The following MICAL1 variants were observed in gnomAD, a reference collection of about 807,000 sequenced individuals.
MICAL1 encodes microtubule associated monooxygenase, calponin and LIM domain containing 1.
In MICAL1, 95 loss-of-function variants were observed where a neutral mutation model predicts 131.8. The observed-to-expected ratio is 0.72, with a 90% CI of 0.61 to 0.86. The LOEUF (loss-of-function observed/expected upper bound fraction) is 0.86, where lower values mean the gene tolerates loss of function less well. MICAL1 is among the 40% of genes least tolerant of loss of function. The pLI is 0.00. For synonymous variants in MICAL1, 546 were observed against 554.2 expected (o/e 0.99, Z 0.21); for missense variants, 1,292 against 1,380.6 (o/e 0.94, Z 1.02).
rs1775665344 is a variant in MICAL1 at position 109,454,330 on chromosome 6, G to A, written c.-43-91C>T. The A allele has an allele frequency of 9.4e-6, 12 of 1,280,940 alleles. No individual in the cohort carries two copies. The Admixed American group carries it at 2.8e-4, about 30-fold the overall frequency. 79.3% of individuals were successfully genotyped at this position (1,280,940 alleles called of 1,614,324 possible). On this transcript the variant is annotated intron_variant, in intron 1 of 24. Transcript: ENST00000358807. ...GAAGAGAGCAGGCTGGTGTCCCCAG[G>A]GAGCTCGGGATTCACCAGTGATTGG...
At position 109,449,733 on chromosome 6, in the gene MICAL1, C is replaced by T. The variant is rs781333142; in HGVS notation, c.1358G>A (p.Arg453His). Residue 453 changes from arginine (R) to histidine (H), a missense_variant, in exon 10 of 25, where the codon CGC becomes CAC. Arg to His is a conservative substitution (Grantham distance 29, BLOSUM62 0). Transcript: ENST00000358807. ...GTCCAGCCCATACTGGGCCACATTG[C>T]GATGCATGTTTTCTGGGGATGTCTG... The part of the protein sequence containing the change: ...LSQTSPENMH[R>H]NVAQYGLDPA... 6.3e-5 allele frequency: 101 copies of T among 1,604,572 alleles called. No homozygotes were observed. Among genetic ancestry groups the T allele is most frequent in the Non-Finnish European group, 7.7e-5 (91 of 1,175,448 alleles).
rs1775707518 is a variant in MICAL1 at position 109,455,426 on chromosome 6, G to GA, written c.-44+292dup. 1.3e-5 allele frequency among the ~76,000 whole-genome samples: 2 copies of GA among 152,296 alleles called. No homozygotes were observed. The highest frequency in any genetic ancestry group is 3.9e-4 in the East Asian group (2 of 5,164). Reference sequence around the variant, plus strand: ...AGGGTGGAAGGAGGAAGACCTCGGCGAAAGGGGAGAAAGGAGCGACCCAGC... The same window carrying GA: ...AGGGTGGAAGGAGGAAGACCTCGGCGAAAAGGGGAGAAAGGAGCGACCCAGC... On this transcript the variant is annotated intron_variant, in intron 1 of 24. Coordinates refer to ENST00000358807, the MANE Select transcript of MICAL1 (RefSeq NM_022765.4). This position sits in a 1 kb window ranked among gnomAD's most constrained non-coding sequence, Gnocchi z 4.7.
At position 109,451,720 on chromosome 6, in the gene MICAL1, G is replaced by A. The variant is rs750139194; in HGVS notation, c.833-20C>T. 6.8e-6 allele frequency: 11 copies of A among 1,613,232 alleles called. No individual in the cohort carries two copies. The highest frequency in any genetic ancestry group is 6.6e-5 in the South Asian group (6 of 91,012). Reference sequence around the variant, plus strand: ...CAATGCCTGGGGGTACAGGGCAGGGGACAGTAGATATGTCTCCTGATAATG... The same window carrying A: ...CAATGCCTGGGGGTACAGGGCAGGGAACAGTAGATATGTCTCCTGATAATG... On this transcript the variant is annotated intron_variant, in intron 6 of 24. Transcript: ENST00000358807.
intron 9 of MICAL1, 84 bp downstream of exon 9, chr6:109,449,886 C>T: frequency 6.3e-7 from 1 of 1,588,922 alleles, no homozygotes; most frequent in Middle Eastern, 1.7e-4. Flanking sequence ...ATTCCTCCGT[C>T]TATTCACTCA....
chr6:109,451,355 T>C (rs1434236755), intron 7 of MICAL1, among the ~76,000 whole-genome samples: 1 of 152,118 alleles, frequency 6.6e-6, no homozygotes, highest in Non-Finnish European at 1.5e-5. Context: ...GGTTTCACCA[T>C]GTTGGCCAGG....
chr6:109,456,598 G>T (rs957270113), upstream of MICAL1, among the ~76,000 whole-genome samples: 18 of 152,228 alleles, frequency 1.2e-4, no homozygotes, highest in African/African-American at 4.1e-4. Flanking sequence ...ATGCCTTAGA[G>T]TGAGGACCCA....
chr6:109,465,674 A>T, exon 1 of MICAL1: 1 of 1,587,690 alleles, frequency 6.3e-7, no homozygotes, highest in Non-Finnish European at 8.5e-7. Context: ...CTTAGACAAG[A>T]CATACACACA....
At position 109,447,386 on chromosome 6, in the gene MICAL1, G is replaced by C; in HGVS notation, c.2041C>G (p.Pro681Ala). 3 of 1,613,570 alleles carry C rather than the reference G, an allele frequency of 1.9e-6. No individual in the cohort carries two copies. Among genetic ancestry groups the C allele is most frequent in the Non-Finnish European group, 1.7e-6 (2 of 1,179,880 alleles). The change falls in exon 16 of 25, where the codon CCC becomes GCC. Residue 681 changes from proline to alanine, a missense_variant. Physicochemically the swap from Pro to Ala is conservative, Grantham distance 27 (BLOSUM62 -1). Transcript: ENST00000358807. ...EVPPDPEPGV[P>A]LTPPSQHQEA... is the part of the protein sequence containing the mutation. ...TGGTGTTGGGATGGGGGTGTCAGGG[G>C]TACACCAGGCTCTGGGTCAGGTGGC...
In MICAL1 at chr6:109,445,448, C is replaced by T; in HGVS notation, c.2755G>A (p.Glu919Lys). 1 of 1,614,100 alleles carries T rather than the reference C, an allele frequency of 6.2e-7. No homozygotes were observed. The highest frequency in any genetic ancestry group is 8.5e-7 in the Non-Finnish European group (1 of 1,180,044). ...TTGCAGAACCTCTTCATCTCCTCCTCCTTCGCACGGCGCAGCAGAGTCCGA... is the reference window on the plus strand; with the variant it reads ...TTGCAGAACCTCTTCATCTCCTCCTTCTTCGCACGGCGCAGCAGAGTCCGA... ...WRRTLLRRAK[E>K]EEMKRFCKAQ... Residue 919 changes from glutamate (E) to lysine (K), a missense_variant, in exon 21 of 25, where the codon GAG becomes AAG. Coordinates refer to ENST00000358807, the MANE Select transcript of MICAL1 (RefSeq NM_022765.4).
chr6:109,452,261 G>A lies in MICAL1; in HGVS notation c.817C>T (p.Leu273Phe). Residue 273 changes from leucine to phenylalanine, a missense_variant, in exon 6 of 25, where the codon CTT becomes TTT. Leu to Phe is a conservative substitution (Grantham distance 22). Transcript: ENST00000358807. ...RIYNQSFFQS[L>F]LKATGIDLEN... is the part of the protein sequence containing the mutation. ...GGTCCCTGACCTGTGGCTTTGAGAA[G>A]GCTCTGGAAGAAGCTCTGGTTGTAG... The A allele has an allele frequency of 6.2e-7, 1 of 1,613,552 alleles. No homozygotes were observed. The highest frequency in any genetic ancestry group is 2.2e-5 in the East Asian group (1 of 44,856).
intron 18 of MICAL1, 113 bp from the exon 19 acceptor site, chr6:109,446,525 G>A: frequency 1.4e-6 from 2 of 1,437,306 alleles, no homozygotes; most frequent in Non-Finnish European, 1.9e-6. Context: ...GTCTGGCTGT[G>A]TTTTAGATAC....
At chr6:109,449,604 C>T in intron 10 of MICAL1, 53 bp downstream of exon 10, 1 of 1,597,308 alleles carries the variant, frequency 6.3e-7, no homozygotes, top group Non-Finnish European at 8.5e-7. Context: ...AGGGCCTGAC[C>T]TGGGGGAAGG....
chr6:109,446,055 A>G, intron 19 of MICAL1, 81 bp downstream of exon 19: 1 of 1,494,462 alleles, frequency 6.7e-7, no homozygotes, highest in East Asian at 2.3e-5. Flanking sequence ...TTCCCTCTGT[A>G]TTCCCCAGAA....
intron 18 of MICAL1, 103 bp downstream of exon 18, chr6:109,446,593 C>G (rs1160632317): frequency 1.3e-5 from 18 of 1,390,472 alleles, no homozygotes; most frequent in Non-Finnish European, 1.8e-5. Context: ...AGCTTACATG[C>G]TAGTAGAAGA....
intron 17 of MICAL1, 132 bp downstream of exon 17, chr6:109,446,941 A>G: frequency 1.6e-6 from 2 of 1,283,394 alleles, no homozygotes; most frequent in Non-Finnish European, 2.2e-6. Flanking sequence ...GGGACAGAGA[A>G]GACCCTGAGC....
At chr6:109,446,491 C>A in intron 18 of MICAL1, 79 bp from the exon 19 acceptor site, 5 of 1,537,098 alleles carry the variant, frequency 3.3e-6, no homozygotes, top group Non-Finnish European at 4.5e-6. Flanking sequence ...GGCATTCATT[C>A]ACTTAAAACC....
At chr6:109,465,636 T>C in intron 1 of MICAL1, 2 of 1,544,738 alleles carry the variant, frequency 1.3e-6, no homozygotes, top group Non-Finnish European at 1.7e-6. Flanking sequence ...CATTCAATAA[T>C]ATTGAAATGC....
intron 17 of MICAL1, 74 bp from the exon 18 acceptor site, chr6:109,446,846 G>T: frequency 7.0e-7 from 1 of 1,419,918 alleles, no homozygotes; most frequent in South Asian, 1.2e-5. Flanking sequence ...AGTTTATGAA[G>T]GAAGGTGGGG....
intron 20 of MICAL1, 98 bp from the exon 21 acceptor site, chr6:109,445,627 G>A: frequency 6.6e-7 from 1 of 1,516,506 alleles, no homozygotes; most frequent in Non-Finnish European, 9.1e-7. Context: ...CTGAAGTGGG[G>A]TAAGCTCTGG....
Sources: gnomAD v4.1 joint callset for allele counts (sites outside exome capture counted in the v4.1 genomes callset) on GRCh38, gnomAD v4.1.1 for gene constraint, Gnocchi (gnomAD v3.1) non-coding constraint, MANE v1.5 for transcripts, NCBI Gene and HGNC (gene_info 2026-07-23, HGNC 2026-07-21) for gene names.